Variants in PAPPA observed in about 807,000 individuals in gnomAD.
The protein encoded by PAPPA is pappalysin 1, also known as pappalysin-1.
In PAPPA, 60 loss-of-function variants were observed where a neutral mutation model predicts 164.0. The observed-to-expected ratio is 0.37, with a 90% CI of 0.30 to 0.45. The LOEUF (loss-of-function observed/expected upper bound fraction) is 0.45, where lower values mean the gene tolerates loss of function less well. Among genes scored for constraint, PAPPA ranks in the 20% least tolerant of loss-of-function variants. The pLI, the probability that PAPPA is intolerant of heterozygous loss-of-function variation, is 1.00. For synonymous variants in PAPPA, 875 were observed against 814.1 expected (o/e 1.07, Z -1.27); for missense variants, 1,782 against 2,087.3 (o/e 0.85, Z 2.85).
intron 10 of PAPPA, among the ~76,000 whole-genome samples, chr9:116,319,114 C>A (rs1372990613): frequency 6.6e-6 from 1 of 152,218 alleles, no homozygotes; most frequent in Non-Finnish European, 1.5e-5. Flanking sequence ...TCTTTCACTG[C>A]TGGGTCAGGA....
chr9:116,234,210 C>T (rs1844632277), intron 6 of PAPPA, among the ~76,000 whole-genome samples: 1 of 152,132 alleles, frequency 6.6e-6, no homozygotes, highest in African/African-American at 2.4e-5. Context: ...GATGTGATCT[C>T]AGCAGAGAAA....
chr9:116,308,991 A>G (rs1845681624), intron 10 of PAPPA, among the ~76,000 whole-genome samples: 1 of 152,246 alleles, frequency 6.6e-6, no homozygotes, highest in South Asian at 2.1e-4. Context: ...TGCTCAATTT[A>G]CAGTTTTGTC....
chr9:116,380,800 C>T (rs909874474), intron 20 of PAPPA, among the ~76,000 whole-genome samples: 5 of 152,138 alleles, frequency 3.3e-5, no homozygotes, highest in African/African-American at 1.2e-4. Context: ...TGAAATCTGG[C>T]ATCATGAGTT....
chr9:116,223,107 G>C (rs939242291), intron 5 of PAPPA, among the ~76,000 whole-genome samples: 3 of 152,184 alleles, frequency 2.0e-5, no homozygotes, highest in African/African-American at 7.2e-5. Flanking sequence ...TGGCGAATGT[G>C]ATCATCAGGG....
intron 4 of PAPPA, among the ~76,000 whole-genome samples, chr9:116,214,422 C>A (rs1263890072): frequency 6.6e-6 from 1 of 152,094 alleles, no homozygotes; most frequent in Admixed American, 6.6e-5. Flanking sequence ...AAGTATCTTG[C>A]CCAGCATCAC....
intron 1 of PAPPA, among the ~76,000 whole-genome samples, chr9:116,181,824 T>C (rs1193145014): frequency 1.3e-5 from 2 of 152,250 alleles, no homozygotes; most frequent in African/African-American, 2.4e-5. Flanking sequence ...CGAAGTGGGC[T>C]GAGCCCAGTG....
At chr9:116,362,526 C>T (rs962434543) in intron 17 of PAPPA, 66 bp from the exon 18 acceptor site, 3 of 1,516,100 alleles carry the variant, frequency 2.0e-6, no homozygotes, top group Non-Finnish European at 2.7e-6. Flanking sequence ...CTGTTGTATT[C>T]AGAATAGCTT....
intron 16 of PAPPA, 145 bp from the exon 17 acceptor site, chr9:116,353,477 A>T: frequency 1.5e-6 from 1 of 675,238 alleles, no homozygotes; most frequent in South Asian, 1.9e-5. Flanking sequence ...TAATTCCTGC[A>T]CGGGTCCCAC....
chr9:116,306,512 T>C (rs1283849072), intron 10 of PAPPA, among the ~76,000 whole-genome samples: 1 of 152,220 alleles, frequency 6.6e-6, no homozygotes, highest in African/African-American at 2.4e-5. Context: ...AACTTCCTGG[T>C]TGTGCAAATT....
At chr9:116,264,327 G>T (rs1381995289) in intron 7 of PAPPA, among the ~76,000 whole-genome samples, 4 of 152,218 alleles carry the variant, frequency 2.6e-5, no homozygotes, top group Non-Finnish European at 4.4e-5. Flanking sequence ...AATCTCTCAA[G>T]ATATTGGTAT....
chr9:116,224,927 A>G (rs545209926), intron 5 of PAPPA, among the ~76,000 whole-genome samples: 1 of 151,848 alleles, frequency 6.6e-6, no homozygotes, highest in East Asian at 1.9e-4. Flanking sequence ...GGTATCCATG[A>G]AGACAATGTG....
intron 14 of PAPPA, among the ~76,000 whole-genome samples, chr9:116,346,613 T>A (rs929619549): frequency 3.9e-5 from 6 of 152,206 alleles, no homozygotes; most frequent in South Asian, 4.1e-4. Flanking sequence ...CTTGATGTCC[T>A]ACCATTGAAC....
Position 116,397,733 on chromosome 9 carries a change from A to G in PAPPA, c.*1117A>G, listed in dbSNP as rs570705920. 1.1e-4 allele frequency: 17 copies of G among 152,764 alleles called. No individual in the cohort carries two copies. The highest frequency in any genetic ancestry group is 3.8e-4 in the African/African-American group (16 of 41,582). The allele number at this position is 152,764 out of a possible 1,614,324, so 9.5% of individuals were successfully genotyped here. Reference sequence around the variant, plus strand: ...TCCAGAATGTCTAAGCCAGTGTTAGATTTTGTAAACAAGTGGAACAGTGTT... The same window carrying G: ...TCCAGAATGTCTAAGCCAGTGTTAGGTTTTGTAAACAAGTGGAACAGTGTT... On this transcript the variant is annotated 3_prime_UTR_variant, in exon 22 of 22. Transcript: ENST00000328252.
intron 9 of PAPPA, among the ~76,000 whole-genome samples, chr9:116,277,308 G>T (rs977924396): frequency 6.6e-6 from 1 of 152,136 alleles, no homozygotes; most frequent in Non-Finnish European, 1.5e-5. Context: ...TGGCTTGAAG[G>T]CAGGCCTATG....
chr9:116,205,668 T>C (rs1844225966), intron 2 of PAPPA, among the ~76,000 whole-genome samples: 1 of 152,166 alleles, frequency 6.6e-6, no homozygotes, highest in Non-Finnish European at 1.5e-5. Context: ...CCTTCATCTG[T>C]ATGATGGCGA....
At chr9:116,285,119 C>T (rs904897316) in intron 9 of PAPPA, among the ~76,000 whole-genome samples, 2 of 145,786 alleles carry the variant, frequency 1.4e-5, no homozygotes, top group African/African-American at 5.0e-5. Context: ...CCAGGATTTG[C>T]TTTTCTTTTC....
At chr9:116,272,889 A>G (rs1024628326) in intron 9 of PAPPA, among the ~76,000 whole-genome samples, 4 of 152,166 alleles carry the variant, frequency 2.6e-5, no homozygotes, top group African/African-American at 9.7e-5. Flanking sequence ...GCCTCAGTTT[A>G]CCTACTGTAA....
intron 7 of PAPPA, among the ~76,000 whole-genome samples, chr9:116,256,322 G>A (rs549033544): frequency 1.2e-3 from 176 of 151,904 alleles, no homozygotes; most frequent in African/African-American, 4.0e-3. Context: ...TCACAGTTAA[G>A]ATGAACAAAG....
intron 10 of PAPPA, among the ~76,000 whole-genome samples, chr9:116,310,853 C>A (rs1587998288): frequency 6.6e-6 from 1 of 152,134 alleles, no homozygotes; most frequent in Admixed American, 6.5e-5. Context: ...CAAGTCAGTT[C>A]TCTTTGCCCC....
Sources: allele counts gnomAD v4.1 joint callset (sites outside exome capture counted in the v4.1 genomes callset), GRCh38; gene constraint gnomAD v4.1.1; transcripts MANE v1.5; gene names NCBI Gene and HGNC (gene_info 2026-07-23, HGNC 2026-07-21).